The following SLC44A5 variants were observed in gnomAD, a reference collection of about 807,000 sequenced individuals.
SLC44A5 encodes the protein choline transporter-like protein 5.
A neutral mutation model predicts 101.8 loss-of-function variants in SLC44A5; 57 were observed. The ratio of observed to expected loss-of-function variants is 0.56; its 90% confidence interval spans 0.45 to 0.70. The LOEUF is 0.70. Among genes scored for constraint, SLC44A5 ranks in the 30% least tolerant of loss-of-function variants. The pLI, the probability that SLC44A5 is intolerant of heterozygous loss-of-function variation, is 0.00. For missense variants in SLC44A5, 737 were observed against 853.1 expected, an observed-to-expected ratio of 0.86 and a Z score of 1.70; for synonymous variants, 281 against 290.9, an observed-to-expected ratio of 0.97 and a Z score of 0.35.
At chr1:75,247,758 T>C (rs770178011) in intron 7 of SLC44A5, among the ~76,000 whole-genome samples, 10 of 152,016 alleles carry the variant, frequency 6.6e-5, no homozygotes, top group Non-Finnish European at 1.3e-4. Flanking sequence ...ATACTGTTGT[T>C]AGATCAAGTA....
At chr1:75,660,972 GA>G in the SLC44A5 span, among the ~76,000 whole-genome samples, 1 of 152,026 alleles carries the variant, frequency 6.6e-6, no homozygotes, top group African/African-American at 2.4e-5. Context: ...ATTCTCCACA[GA>G]AATAGAAAAA....
intron 4 of SLC44A5, among the ~76,000 whole-genome samples, chr1:75,309,488 T>TAA: frequency 6.6e-6 from 1 of 152,216 alleles, no homozygotes; most frequent in African/African-American, 2.4e-5. Context: ...ATTTCTCTAT[T>TAA]ATAAGCATAT....
intron 1 of SLC44A5, among the ~76,000 whole-genome samples, chr1:75,563,127 A>G (rs1249287384): frequency 6.6e-6 from 1 of 152,198 alleles, no homozygotes; most frequent in Admixed American, 6.5e-5. Flanking sequence ...TTATAAAAGT[A>G]TGGATATAAA....
intron 2 of SLC44A5, among the ~76,000 whole-genome samples, chr1:75,534,235 C>A (rs1312233797): frequency 1.3e-5 from 2 of 152,046 alleles, no homozygotes; most frequent in Non-Finnish European, 2.9e-5. Flanking sequence ...TTGCAAATCA[C>A]CTGTTAAAGT....
At position 75,304,223 on chromosome 1, in the gene SLC44A5, C is replaced by CA. The variant is rs766482914; in HGVS notation, c.102-3539dup. On this transcript the variant is annotated intron_variant, in intron 4 of 23. Transcript: ENST00000370859. ...GAACTCAAATCTCCCCAGTAGTAGA[C>CA]ATTAGTATTTCTAAATTTGTTTCTG... 9.5e-4 allele frequency among the ~76,000 whole-genome samples: 145 copies of CA among 152,122 alleles called. 1 individual carries two copies. Among genetic ancestry groups the CA allele is most frequent in the South Asian group, 3.3e-3 (16 of 4,822 alleles).
chr1:75,246,027 C>T (rs1649075084), intron 7 of SLC44A5, among the ~76,000 whole-genome samples: 1 of 152,104 alleles, frequency 6.6e-6, no homozygotes, highest in African/African-American at 2.4e-5. Flanking sequence ...GTCTGGAAGA[C>T]TAAATGCAAG....
intron 13 of SLC44A5, among the ~76,000 whole-genome samples, chr1:75,224,410 C>T (rs1647154217): frequency 6.6e-6 from 1 of 152,158 alleles, no homozygotes; most frequent in African/African-American, 2.4e-5. Context: ...TCAGGTGGGT[C>T]TTTCAGGAAT....
At chr1:75,326,262 C>CTTT (rs35059170) in intron 4 of SLC44A5, among the ~76,000 whole-genome samples, 2 of 144,054 alleles carry the variant, frequency 1.4e-5, no homozygotes, top group Non-Finnish European at 3.0e-5. Flanking sequence ...ATTCTTACTG[C>CTTT]TTTTTTTTTT....
chr1:75,248,748 GT>G (rs1423043325), intron 7 of SLC44A5, among the ~76,000 whole-genome samples: 1 of 152,102 alleles, frequency 6.6e-6, no homozygotes, highest in South Asian at 2.1e-4. Context: ...GTTGTTGTAT[GT>G]TTTTCTCCAA....
intron 1 of SLC44A5, among the ~76,000 whole-genome samples, chr1:75,604,186 TC>T (rs886778825): frequency 6.6e-6 from 1 of 152,152 alleles, no homozygotes; most frequent in Non-Finnish European, 1.5e-5. Flanking sequence ...AGTTAATTTT[TC>T]CATATCAAAC....
intron 6 of SLC44A5, among the ~76,000 whole-genome samples, chr1:75,267,024 C>G (rs377235892): frequency 6.6e-6 from 1 of 152,152 alleles, no homozygotes. Context: ...CACAATAGAT[C>G]GAATCCATAG....
chr1:75,576,567 T>C (rs1298478320), intron 1 of SLC44A5, among the ~76,000 whole-genome samples: 2 of 152,252 alleles, frequency 1.3e-5, no homozygotes, highest in Non-Finnish European at 1.5e-5. Flanking sequence ...ATCCGTCCAC[T>C]GTGGCCTCCC....
chr1:75,437,992 G>C (rs905146888), intron 2 of SLC44A5, among the ~76,000 whole-genome samples: 4 of 152,080 alleles, frequency 2.6e-5, no homozygotes, highest in African/African-American at 9.7e-5. Context: ...ACTGTGTGAT[G>C]CAGTGATTTT....
the SLC44A5 span, among the ~76,000 whole-genome samples, chr1:75,719,636 G>C: frequency 6.6e-6 from 1 of 152,112 alleles, no homozygotes; most frequent in East Asian, 1.9e-4. Flanking sequence ...TACTCGAATA[G>C]GCTCCTTTCA....
At chr1:75,331,239 T>C (rs1185170413) in intron 4 of SLC44A5, among the ~76,000 whole-genome samples, 2 of 152,166 alleles carry the variant, frequency 1.3e-5, no homozygotes, top group African/African-American at 2.4e-5. Context: ...GACTCACGCA[T>C]GGCATTCACA....
chr1:75,449,369 A>G (rs2101654277), intron 2 of SLC44A5, among the ~76,000 whole-genome samples: 1 of 152,252 alleles, frequency 6.6e-6, no homozygotes, highest in East Asian at 1.9e-4. Flanking sequence ...AAATCCTGAT[A>G]ATATTAGCTT....
chr1:75,575,786 CTG>C (rs1356905803), intron 1 of SLC44A5, among the ~76,000 whole-genome samples: 2 of 152,120 alleles, frequency 1.3e-5, no homozygotes, highest in African/African-American at 4.8e-5. Flanking sequence ...TAAACAGCTG[CTG>C]TGTGGTGAGT....
chr1:75,236,146 TG>T (rs1273145319), intron 11 of SLC44A5, among the ~76,000 whole-genome samples: 4 of 152,066 alleles, frequency 2.6e-5, no homozygotes, highest in African/African-American at 9.6e-5. Context: ...AGTCTAGGGA[TG>T]GGCACATTAT....
rs557919102 is a variant in SLC44A5 at position 75,588,828 on chromosome 1, T to C, written c.-70+22212A>G. Among the ~76,000 whole-genome samples, 298 of 152,282 alleles carry C rather than the reference T, an allele frequency of 2.0e-3. 1 individual carries two copies. Among genetic ancestry groups the C allele is most frequent in the African/African-American group, 7.0e-3 (289 of 41,562 alleles). On this transcript the variant is annotated intron_variant, in intron 1 of 23. Coordinates refer to ENST00000370859, the MANE Select transcript of SLC44A5 (RefSeq NM_001130058.2). ...GTGAAAGGCACTGTGCTAGTCACCA[T>C]TGAAGGTATAACTGTGAACAAGGCA...
Sources: gnomAD v4.1 joint callset for allele counts (sites outside exome capture counted in the v4.1 genomes callset) on GRCh38, gnomAD v4.1.1 for gene constraint, MANE v1.5 for transcripts, NCBI Gene and HGNC (gene_info 2026-07-23, HGNC 2026-07-21) for gene names.